Variants in CDH9 observed in about 807,000 individuals in gnomAD.
CDH9 encodes cadherin-9.
CDH9 carries 28 observed loss-of-function variants against 70.9 expected under a neutral mutation model. The ratio of observed to expected loss-of-function variants is 0.40; its 90% CI spans 0.29 to 0.54. The LOEUF (loss-of-function observed/expected upper bound fraction) is 0.54, where lower values mean the gene tolerates loss of function less well. Ranked by LOEUF, CDH9 falls within the 20% of genes least tolerant of loss-of-function variation. The pLI is 0.59. For missense variants in CDH9, 874 were observed against 984.4 expected (o/e 0.89, Z 1.50); for synonymous variants, 409 against 343.1 (o/e 1.19, Z -2.12).
At position 26,890,554 on chromosome 5, in the gene CDH9, C is replaced by G. The variant is rs1226208825; in HGVS notation, c.1264G>C (p.Asp422His). The G allele has an allele frequency of 6.2e-7, 1 of 1,606,088 alleles. No individual in the cohort carries two copies. The highest frequency in any genetic ancestry group is 8.5e-7 in the Non-Finnish European group (1 of 1,172,872). The change falls in exon 8 of 12, where the codon GAT becomes CAT. Residue 422 changes from aspartate to histidine, a missense_variant. Transcript: ENST00000231021. The part of the protein sequence containing the change: ...ARNNLIKYSV[D>H]RHTDMDRIFG... ...ATACGGTCCATATCAGTATGCCGAT[C>G]AACAGAGTACCTGGCAGAAGACAGA...
chr5:26,941,594 G>T (rs550091459), intron 2 of CDH9, among the ~76,000 whole-genome samples: 13 of 152,156 alleles, frequency 8.5e-5, no homozygotes, highest in Non-Finnish European at 1.3e-4. Flanking sequence ...TTATGTTGAG[G>T]ACAAGTCCCA....
At chr5:26,888,553 A>AT (rs1740603071) in intron 9 of CDH9, among the ~76,000 whole-genome samples, 1 of 152,140 alleles carries the variant, frequency 6.6e-6, no homozygotes, top group Non-Finnish European at 1.5e-5. Flanking sequence ...AGAAAAGCAC[A>AT]TTTTTATCCA....
intron 1 of CDH9, 144 bp from the exon 2 acceptor site, chr5:26,988,526 C>A: frequency 1.7e-6 from 1 of 592,320 alleles, no homozygotes; most frequent in Non-Finnish European, 2.5e-6. Context: ...AGTGAACGGT[C>A]ATGAAAAACT....
At chr5:26,910,255 CT>C (rs138843022) in intron 3 of CDH9, among the ~76,000 whole-genome samples, 12 of 120,420 alleles carry the variant, frequency 1.0e-4, no homozygotes, top group Admixed American at 2.5e-4. Flanking sequence ...ATCTATCTAT[CT>C]ATCTATCTGG....
At position 27,018,807 on chromosome 5, in the gene CDH9, C is replaced by G. The variant is rs986969976; in HGVS notation, c.-50+19656G>C. 3.0e-4 allele frequency among the ~76,000 whole-genome samples: 45 copies of G among 151,980 alleles called. 1 individual carries two copies. Among genetic ancestry groups the G allele is most frequent in the Middle Eastern group, 3.4e-3 (1 of 294 alleles). ...AAGATGTAAACCAGCTGCACAGCAG[C>G]AAGCAGAGAGCAGAGGACTCCTAGA... On this transcript the variant is annotated intron_variant, in intron 1 of 11. Transcript: ENST00000231021.
rs369919073 is a variant in CDH9 at position 26,990,623 on chromosome 5, A to C, written c.-49-2241T>G. Among the ~76,000 whole-genome samples the C allele has an allele frequency of 2.5e-4, 38 of 152,306 alleles. No individual in the cohort carries two copies. In the East Asian group the frequency reaches 6.2e-3, roughly 25 times the overall value. On this transcript the variant is annotated intron_variant, in intron 1 of 11. Coordinates refer to ENST00000231021, the MANE Select transcript of CDH9 (RefSeq NM_016279.4). Reference sequence around the variant, plus strand: ...TAATGCTTAGAAAAATGTGCAATGGAAGAGTAACACTTAGTGGTCACTGGC... The same window carrying C: ...TAATGCTTAGAAAAATGTGCAATGGCAGAGTAACACTTAGTGGTCACTGGC...
intron 7 of CDH9, among the ~76,000 whole-genome samples, chr5:26,902,012 T>G (rs1740863093): frequency 6.6e-6 from 1 of 152,072 alleles, no homozygotes. Flanking sequence ...CATTTTTTTC[T>G]AATTTATTTA....
intron 2 of CDH9, among the ~76,000 whole-genome samples, chr5:26,960,457 A>G (rs921373379): frequency 1.3e-5 from 2 of 152,020 alleles, no homozygotes; most frequent in East Asian, 1.9e-4. Flanking sequence ...ATTTCTACAT[A>G]TAAAGACAAT....
chr5:26,999,189 G>A (rs957281046), intron 1 of CDH9, among the ~76,000 whole-genome samples: 2 of 151,946 alleles, frequency 1.3e-5, no homozygotes, highest in African/African-American at 4.8e-5. Flanking sequence ...AGGTTGCAGT[G>A]AGCCGAGATC....
intron 2 of CDH9, among the ~76,000 whole-genome samples, chr5:26,933,054 T>TAAATATAATTCTATTTATATTATAC (rs1478985323): frequency 1.2e-4 from 17 of 147,502 alleles, no homozygotes; most frequent in East Asian, 3.9e-4. Flanking sequence ...TACTTAAATA[T>TAAATATAATTCTATTTATATTATAC]AAATATAATT....
intron 1 of CDH9, among the ~76,000 whole-genome samples, chr5:26,994,502 C>CT (rs1286835668): frequency 6.6e-6 from 1 of 151,076 alleles, no homozygotes. Flanking sequence ...GGTACCTGAG[C>CT]TTTTTTTCCT....
At chr5:27,015,704 CATA>C (rs1462423952) in intron 1 of CDH9, among the ~76,000 whole-genome samples, 1 of 151,644 alleles carries the variant, frequency 6.6e-6, no homozygotes, top group African/African-American at 2.4e-5. Context: ...GTTTCTGCTG[CATA>C]ATATTATAAC....
intron 2 of CDH9, among the ~76,000 whole-genome samples, chr5:26,926,123 A>G (rs1276693426): frequency 6.6e-6 from 1 of 152,186 alleles, no homozygotes; most frequent in African/African-American, 2.4e-5. Context: ...AATAAAGCGT[A>G]TTCAATTAGG....
chr5:26,934,272 C>G (rs1323404892), intron 2 of CDH9, among the ~76,000 whole-genome samples: 2 of 152,006 alleles, frequency 1.3e-5, no homozygotes, highest in Non-Finnish European at 2.9e-5. Context: ...TTGTGACCAG[C>G]CTGAACAACA....
At chr5:26,927,957 CT>C (rs1741374066) in intron 2 of CDH9, among the ~76,000 whole-genome samples, 1 of 151,958 alleles carries the variant, frequency 6.6e-6, no homozygotes, top group Non-Finnish European at 1.5e-5. Flanking sequence ...CTGTCATCGC[CT>C]TATGGCAGGA....
At chr5:26,887,938 G>T (rs1202699975) in intron 9 of CDH9, among the ~76,000 whole-genome samples, 2 of 152,158 alleles carry the variant, frequency 1.3e-5, no homozygotes, top group Non-Finnish European at 2.9e-5. Flanking sequence ...AGAGAGCATA[G>T]ATAGCCCTGC....
chr5:26,948,933 T>C (rs1261632261), intron 2 of CDH9, among the ~76,000 whole-genome samples: 3 of 152,194 alleles, frequency 2.0e-5, no homozygotes, highest in East Asian at 1.9e-4. Context: ...GAGAACGCTA[T>C]TAACCAATGC....
chr5:27,009,524 C>T (rs1478118560), intron 1 of CDH9, among the ~76,000 whole-genome samples: 1 of 152,058 alleles, frequency 6.6e-6, no homozygotes, highest in Non-Finnish European at 1.5e-5. Context: ...AGAGGGGCTC[C>T]CCTATCTACT....
chr5:26,906,837 A>G lies in CDH9; in HGVS notation c.525T>C (p.Gly175=). ...TTGCAGTTACTTGTATAACAGATGTACCTACATGAAACCCCCATCCCCAAA... is the reference window on the plus strand; with the variant it reads ...TTGCAGTTACTTGTATAACAGATGTGCCTACATGAAACCCCCATCCCCAAA... ...TASVPEMSGV[G]TSVIQVTATD... is the part of the protein sequence containing the mutation. Residue 175 remains glycine, a splice_region_variant and synonymous_variant, in exon 4 of 12, where the codon GGT becomes GGC. Coordinates refer to ENST00000231021, the MANE Select transcript of CDH9 (RefSeq NM_016279.4). 7 of 1,601,800 alleles carry G rather than the reference A, an allele frequency of 4.4e-6. No individual in the cohort carries two copies. Among genetic ancestry groups the G allele is most frequent in the Non-Finnish European group, 6.0e-6 (7 of 1,172,324 alleles).
Sources: allele counts gnomAD v4.1 joint callset (sites outside exome capture counted in the v4.1 genomes callset), GRCh38; gene constraint gnomAD v4.1.1; transcripts MANE v1.5; gene names NCBI Gene and HGNC (gene_info 2026-07-23, HGNC 2026-07-21).